SIPA1L1: variants seen among roughly 807,000 people sequenced by gnomAD.
The protein encoded by SIPA1L1 is signal induced proliferation associated 1 like 1, also known as signal-induced proliferation-associated 1-like protein 1.
SIPA1L1 carries 26 observed loss-of-function variants against 162.7 expected under a neutral mutation model. That is an observed-to-expected ratio of 0.16 (90% CI 0.12 to 0.22). The LOEUF is 0.22. Among genes scored for constraint, SIPA1L1 ranks in the 10% least tolerant of loss-of-function variants. SIPA1L1 has a pLI of 1.00. For synonymous variants in SIPA1L1, 829 were observed against 837.4 expected (o/e 0.99, Z 0.17); for missense variants, 1,874 against 2,241.0 (o/e 0.84, Z 3.31).
At chr14:71,432,439 C>A (rs2140983152) in intron 2 of SIPA1L1, among the ~76,000 whole-genome samples, 1 of 152,266 alleles carries the variant, frequency 6.6e-6, no homozygotes, top group East Asian at 1.9e-4. Context: ...GAGGCACAAC[C>A]TTCTCTAGAA....
At position 71,338,438 on chromosome 14, in the gene SIPA1L1, G is replaced by C. The variant is rs751429959; in HGVS notation, c.-465+17257G>C. 4.3e-4 allele frequency among the ~76,000 whole-genome samples: 66 copies of C among 152,184 alleles called. 1 individual carries two copies. The highest frequency in any genetic ancestry group is 8.2e-4 in the Non-Finnish European group (56 of 68,036). ...TGCTGGTCCAGGTGCTTGCAGTTGT[G>C]ATAGGCTGTGTCCCATCGTTGGAGG... On this transcript the variant is annotated intron_variant, in intron 2 of 23. Transcript: ENST00000381232.
Position 71,671,200 on chromosome 14 carries a change from G to A in SIPA1L1, c.2337G>A (p.Val779=), listed in dbSNP as rs2044480387. Residue 779 remains valine (V), a synonymous_variant, in exon 11 of 24, where the codon GTG becomes GTA. Transcript: ENST00000381232. Reference sequence around the variant, plus strand: ...GGGTCACTTTCCCTAAGTCAAATGTGTTCAGGGACTTCCTTTTGGCGAAAG... The same window carrying A: ...GGGTCACTTTCCCTAAGTCAAATGTATTCAGGGACTTCCTTTTGGCGAAAG... ...PKGVTFPKSN[V]FRDFLLAKVI... 1 of 1,614,036 alleles carries A rather than the reference G, an allele frequency of 6.2e-7. No individual in the cohort carries two copies. The highest frequency in any genetic ancestry group is 1.7e-5 in the Admixed American group (1 of 59,992).
chr14:71,598,833 T>C (rs1444715280), intron 5 of SIPA1L1, among the ~76,000 whole-genome samples: 1 of 152,232 alleles, frequency 6.6e-6, no homozygotes, highest in Non-Finnish European at 1.5e-5. Context: ...TCTAGCTATT[T>C]TGAAATATAT....
At chr14:71,320,787 G>T (rs2032648489) in intron 1 of SIPA1L1, among the ~76,000 whole-genome samples, 1 of 151,274 alleles carries the variant, frequency 6.6e-6, no homozygotes, top group South Asian at 2.1e-4. Context: ...CGCCCCCTCA[G>T]TTCTTTCTGC....
chr14:71,358,399 T>C (rs2037478309), intron 2 of SIPA1L1, among the ~76,000 whole-genome samples: 1 of 152,242 alleles, frequency 6.6e-6, no homozygotes, highest in South Asian at 2.1e-4. Context: ...AATTTGCTCA[T>C]ACATAACTCT....
At chr14:71,474,990 T>C (rs1182724019) in intron 2 of SIPA1L1, among the ~76,000 whole-genome samples, 5 of 152,208 alleles carry the variant, frequency 3.3e-5, no homozygotes, top group African/African-American at 4.8e-5. Context: ...AGAATGTCTT[T>C]GCTGGCCACT....
At chr14:71,736,827 G>A (rs756680713) in intron 22 of SIPA1L1, among the ~76,000 whole-genome samples, 2 of 152,152 alleles carry the variant, frequency 1.3e-5, no homozygotes, top group Non-Finnish European at 2.9e-5. Context: ...TCTTTTCTTG[G>A]GTCAGCATGG....
intron 14 of SIPA1L1, among the ~76,000 whole-genome samples, chr14:71,699,789 C>T (rs1428141026): frequency 6.6e-6 from 1 of 152,152 alleles, no homozygotes; most frequent in Non-Finnish European, 1.5e-5. Flanking sequence ...AAGGGTCCAG[C>T]CCATTTTGAG....
chr14:71,656,604 A>G (rs1174463342), intron 8 of SIPA1L1, among the ~76,000 whole-genome samples: 3 of 152,188 alleles, frequency 2.0e-5, no homozygotes, highest in Non-Finnish European at 2.9e-5. Flanking sequence ...TTGGATATTT[A>G]TATGTTGTTA....
chr14:71,661,277 T>C, intron 9 of SIPA1L1, 33 bp from the exon 10 acceptor site: 1 of 1,605,256 alleles, frequency 6.2e-7, no homozygotes, highest in Admixed American at 1.7e-5. Context: ...CAAATGATTG[T>C]TATTTATGTT....
Position 71,483,160 on chromosome 14 carries a change from T to G in SIPA1L1, c.-464-29583T>G, listed in dbSNP as rs928370153. 2.6e-5 allele frequency among the ~76,000 whole-genome samples: 4 copies of G among 152,294 alleles called. No individual in the cohort carries two copies. In the East Asian group the frequency reaches 7.7e-4, roughly 29 times the overall value. ...GTCAGAATTTGAGGGCTATTAGAAT[T>G]TTATTCTTTACCTAAATCTAAATAT... On this transcript the variant is annotated intron_variant, in intron 2 of 23. Transcript: ENST00000381232.
chr14:71,715,254 G>A (rs1025564376), intron 17 of SIPA1L1, among the ~76,000 whole-genome samples: 2 of 152,232 alleles, frequency 1.3e-5, no homozygotes, highest in Non-Finnish European at 2.9e-5. Context: ...CAGCTATGTG[G>A]CCTGTGGCCA....
intron 9 of SIPA1L1, among the ~76,000 whole-genome samples, chr14:71,659,775 G>C (rs991892275): frequency 1.3e-5 from 2 of 152,106 alleles, no homozygotes; most frequent in African/African-American, 4.8e-5. Flanking sequence ...GAGAAAGTGG[G>C]CATTTAAATG....
chr14:71,326,390 G>A (rs1267586787), intron 2 of SIPA1L1, among the ~76,000 whole-genome samples: 3 of 151,696 alleles, frequency 2.0e-5, no homozygotes, highest in Non-Finnish European at 4.4e-5. Context: ...TATATTTTTA[G>A]TAGAGGCAGG....
chr14:71,415,568 A>G (rs1595343391), intron 2 of SIPA1L1, among the ~76,000 whole-genome samples: 3 of 152,336 alleles, frequency 2.0e-5, no homozygotes, highest in African/African-American at 2.4e-5. Flanking sequence ...AAGTCAGTAC[A>G]TATTATTGAG....
chr14:71,608,038 C>G (rs757777367), intron 5 of SIPA1L1, among the ~76,000 whole-genome samples: 1 of 152,176 alleles, frequency 6.6e-6, no homozygotes, highest in African/African-American at 2.4e-5. Flanking sequence ...AAAAATTTTG[C>G]TTTATTGCAT....
Position 71,425,510 on chromosome 14 carries a change from G to T in SIPA1L1, c.-464-87233G>T, listed in dbSNP as rs546953807. Among the ~76,000 whole-genome samples the T allele has an allele frequency of 2.0e-5, 3 of 152,132 alleles. No homozygotes were observed. In the South Asian group the frequency reaches 6.2e-4, roughly 32 times the overall value. ...ATGTTGTTCAGTATCCTACAATTTT[G>T]TGTTTTGTGGAAATAGTTTTACTTC... On this transcript the variant is annotated intron_variant, in intron 2 of 23. Coordinates refer to ENST00000381232, the MANE Select transcript of SIPA1L1 (RefSeq NM_001386936.1).
intron 2 of SIPA1L1, 67 bp from the exon 3 acceptor site, chr14:71,512,676 G>C (rs1299892557): frequency 8.2e-6 from 1 of 122,376 alleles, no homozygotes; most frequent in East Asian, 2.9e-4. Context: ...GGGTTGGGGG[G>C]GTTGGGAGGG....
intron 15 of SIPA1L1, 176 bp from the exon 16 acceptor site, chr14:71,705,046 G>A (rs78793189): frequency 3.2e-6 from 2 of 621,276 alleles, no homozygotes; most frequent in Non-Finnish European, 5.7e-6. Context: ...TTATCCATCA[G>A]CCACTTAAGT....
Sources: allele counts gnomAD v4.1 joint callset (sites outside exome capture counted in the v4.1 genomes callset), GRCh38; gene constraint gnomAD v4.1.1; transcripts MANE v1.5; gene names NCBI Gene and HGNC (gene_info 2026-07-23, HGNC 2026-07-21).